Variants in LASP1 observed in about 807,000 individuals in gnomAD.
LASP1 encodes LIM and SH3 protein 1, also known as LIM and SH3 domain protein 1.
In LASP1, 10 loss-of-function variants were observed where a neutral mutation model predicts 38.6. The observed-to-expected ratio is 0.26, with a 90% CI of 0.16 to 0.44. LASP1 has a LOEUF of 0.44. Among genes scored for constraint, LASP1 ranks in the 20% least tolerant of loss-of-function variants. The pLI, the probability that LASP1 is intolerant of heterozygous loss-of-function variation, is 1.00. For synonymous variants in LASP1, 132 were observed against 140.8 expected (o/e 0.94, Z 0.44); for missense variants, 243 against 375.7 (o/e 0.65, Z 2.92).
intron 4 of LASP1, among the ~76,000 whole-genome samples, chr17:38,910,556 T>G (rs562723428): frequency 2.6e-5 from 4 of 152,044 alleles, no homozygotes; most frequent in African/African-American, 7.2e-5. Flanking sequence ...TCCCAGCTTC[T>G]GCTCTAGACC....
chr17:38,913,393 C>T (rs901103130), intron 4 of LASP1, among the ~76,000 whole-genome samples: 17 of 152,160 alleles, frequency 1.1e-4, no homozygotes, highest in African/African-American at 1.9e-4. Flanking sequence ...GGATTCTCAG[C>T]GGAGCATCCT....
intron 2 of LASP1, among the ~76,000 whole-genome samples, chr17:38,882,197 A>G (rs1913973195): frequency 6.6e-6 from 1 of 152,038 alleles, no homozygotes; most frequent in Non-Finnish European, 1.5e-5. Flanking sequence ...TTGAGGGTGC[A>G]CTCCCGGCTT....
intron 4 of LASP1, among the ~76,000 whole-genome samples, chr17:38,901,740 A>G (rs1214929778): frequency 6.6e-6 from 1 of 152,076 alleles, no homozygotes; most frequent in Non-Finnish European, 1.5e-5. Flanking sequence ...ATCAGGCTGT[A>G]CCTCAGAACC....
At chr17:38,897,776 C>T (rs1334560765) in intron 3 of LASP1, among the ~76,000 whole-genome samples, 1 of 152,190 alleles carries the variant, frequency 6.6e-6, no homozygotes, top group East Asian at 1.9e-4. Context: ...GTCAAAGGCG[C>T]ACTGATGGAG....
In LASP1 at chr17:38,892,588, A is replaced by C. The variant is rs72819776; in HGVS notation, c.249+2084A>C. On this transcript the variant is annotated intron_variant, in intron 3 of 6. Coordinates refer to ENST00000318008, the MANE Select transcript of LASP1 (RefSeq NM_006148.4). ...CACACACACACACACACACACACAC[A>C]CACCCTTCTCAGGGGAGAAATTCAA... is the stretch of plus-strand genomic sequence containing the variant. Among the ~76,000 whole-genome samples the C allele has an allele frequency of 3.0e-3, 442 of 147,272 alleles. 2 individuals carry two copies. Among genetic ancestry groups the C allele is most frequent in the Middle Eastern group, 0.017 (5 of 292 alleles).
At chr17:38,879,130 T>G (rs1170829301) in intron 2 of LASP1, among the ~76,000 whole-genome samples, 1 of 151,098 alleles carries the variant, frequency 6.6e-6, no homozygotes, top group Non-Finnish European at 1.5e-5. Flanking sequence ...TAAGTAATGA[T>G]GTAATGATAA....
intron 4 of LASP1, 50 bp downstream of exon 4, chr17:38,898,569 C>T (rs2143789798): frequency 7.4e-7 from 1 of 1,358,568 alleles, no homozygotes; most frequent in Non-Finnish European, 1.0e-6. Context: ...CTGTTTGGTC[C>T]CCTTCCTGCC....
chr17:38,882,838 G>A (rs553516664), intron 2 of LASP1, among the ~76,000 whole-genome samples: 1 of 152,244 alleles, frequency 6.6e-6, no homozygotes, highest in South Asian at 2.1e-4. Context: ...GGCATGGGCT[G>A]GGGAAGGAAA....
chr17:38,898,131 G>A (rs1369992769), intron 3 of LASP1, among the ~76,000 whole-genome samples: 7 of 152,172 alleles, frequency 4.6e-5, no homozygotes, highest in East Asian at 1.9e-4. Context: ...TGTTAATTGC[G>A]TGGCTATATG....
chr17:38,882,279 T>C (rs543315370), intron 2 of LASP1, among the ~76,000 whole-genome samples: 1 of 151,972 alleles, frequency 6.6e-6, no homozygotes, highest in East Asian at 1.9e-4. Context: ...TGAGACGGAG[T>C]CTCTGTCGCT....
intron 4 of LASP1, among the ~76,000 whole-genome samples, chr17:38,906,966 G>A (rs1048532339): frequency 2.0e-5 from 3 of 152,166 alleles, no homozygotes; most frequent in Non-Finnish European, 1.5e-5. Flanking sequence ...GGCTTAGGGC[G>A]CTCCTCACTC....
At chr17:38,912,324 GGAA>G (rs922331857) in intron 4 of LASP1, among the ~76,000 whole-genome samples, 2 of 152,248 alleles carry the variant, frequency 1.3e-5, no homozygotes, top group African/African-American at 4.8e-5. Context: ...AGCGGCTGGA[GGAA>G]GGAGAGAGGG....
chr17:38,913,725 G>A (rs1188171934), intron 4 of LASP1, among the ~76,000 whole-genome samples: 1 of 152,192 alleles, frequency 6.6e-6, no homozygotes, highest in African/African-American at 2.4e-5. Flanking sequence ...CACTTGGCCG[G>A]TCACGGTGGC....
chr17:38,872,149 C>T (rs756199391), intron 1 of LASP1, among the ~76,000 whole-genome samples: 5 of 152,152 alleles, frequency 3.3e-5, no homozygotes, highest in Non-Finnish European at 7.4e-5. Context: ...TGTCTCTAGG[C>T]CTCAGTATTC....
chr17:38,887,234 A>C (rs1294261876), intron 2 of LASP1, among the ~76,000 whole-genome samples: 1 of 152,044 alleles, frequency 6.6e-6, no homozygotes, highest in Non-Finnish European at 1.5e-5. Context: ...CTTTTGCCAC[A>C]TGTGCCTCTA....
intron 3 of LASP1, among the ~76,000 whole-genome samples, chr17:38,896,697 T>C (rs1914501407): frequency 6.6e-6 from 1 of 152,122 alleles, no homozygotes; most frequent in Non-Finnish European, 1.5e-5. Context: ...GTCTGTATCG[T>C]GGGTTGGAGT....
At chr17:38,870,369 T>C (rs1454800006) in intron 1 of LASP1, 111 bp downstream of exon 1, 54 of 1,242,368 alleles carry the variant, frequency 4.3e-5, no homozygotes, top group Non-Finnish European at 6.2e-5. Context: ...CCCAGGAGAA[T>C]GGAGGGAGGG....
chr17:38,896,793 G>A, intron 3 of LASP1: 1 of 406,822 alleles, frequency 2.5e-6, no homozygotes, highest in South Asian at 9.8e-5. Context: ...TCAGAAGTGG[G>A]AGACTGAGCC....
chr17:38,918,724 G>A lies in LASP1; in HGVS notation c.732G>A (p.Val244=). The change falls in exon 7 of 7, where the codon GTG becomes GTA. Residue 244 remains valine, a synonymous_variant. Transcript: ENST00000318008. This position sits in a 1 kb window ranked among gnomAD's most constrained non-coding sequence, Gnocchi z 4.4. ...QIDDGWMYGT[V]ERTGDTGMLP... ...ACGACGGCTGGATGTACGGGACGGT[G>A]GAGCGCACCGGCGACACGGGGATGC... 1 of 1,614,152 alleles carries A rather than the reference G, an allele frequency of 6.2e-7. No homozygotes were observed. The highest frequency in any genetic ancestry group is 8.5e-7 in the Non-Finnish European group (1 of 1,180,008).
Sources: gnomAD v4.1 joint callset for allele counts (sites outside exome capture counted in the v4.1 genomes callset) on GRCh38, gnomAD v4.1.1 for gene constraint, Gnocchi (gnomAD v3.1) non-coding constraint, MANE v1.5 for transcripts, NCBI Gene and HGNC (gene_info 2026-07-23, HGNC 2026-07-21) for gene names.